ABHD2: variants seen among roughly 807,000 people sequenced by gnomAD.
The protein encoded by ABHD2 is abhydrolase domain containing 2, acylglycerol lipase, also known as monoacylglycerol lipase ABHD2.
ABHD2 carries 20 observed loss-of-function variants against 48.1 expected under a neutral mutation model. The observed-to-expected ratio is 0.42, with a 90% CI of 0.29 to 0.60. The LOEUF (loss-of-function observed/expected upper bound fraction) is 0.60. Among genes scored for constraint, ABHD2 ranks in the 20% least tolerant of loss-of-function variants. ABHD2 has a pLI of 0.24. For missense variants in ABHD2, 405 were observed against 550.9 expected (o/e 0.74, Z 2.65); for synonymous variants, 209 against 214.2 (o/e 0.98, Z 0.21).
rs193061527 is a variant in ABHD2 at position 89,180,592 on chromosome 15, A to G, written c.722+4597A>G. On this transcript the variant is annotated intron_variant, in intron 6 of 10. Coordinates refer to ENST00000352732, the MANE Select transcript of ABHD2 (RefSeq NM_152924.5). ...CAGATTGACTCTGCCCCTGAAGGGCAACCTGCTACCAGCCCAGAACCTTCT... is the reference window on the plus strand; with the variant it reads ...CAGATTGACTCTGCCCCTGAAGGGCGACCTGCTACCAGCCCAGAACCTTCT... Among the ~76,000 whole-genome samples the G allele has an allele frequency of 5.4e-3, 823 of 152,340 alleles. 8 individuals carry two copies. Among genetic ancestry groups the G allele is most frequent in the African/African-American group, 0.019 (783 of 41,588 alleles).
chr15:89,127,642 A>C (rs1021509507), intron 3 of ABHD2, among the ~76,000 whole-genome samples: 2 of 150,092 alleles, frequency 1.3e-5, no homozygotes, highest in African/African-American at 5.0e-5. Flanking sequence ...CCACAGCAGT[A>C]TGGACTTTTC....
intron 1 of ABHD2, among the ~76,000 whole-genome samples, chr15:89,101,016 T>C (rs2049693066): frequency 6.6e-6 from 1 of 152,250 alleles, no homozygotes; most frequent in African/African-American, 2.4e-5. Context: ...ATTGTATATT[T>C]TGGAGAGAAT....
At chr15:89,069,521 G>A in the ABHD2 span, among the ~76,000 whole-genome samples, 1 of 151,948 alleles carries the variant, frequency 6.6e-6, no homozygotes, top group Non-Finnish European at 1.5e-5. Flanking sequence ...AACCACCCTT[G>A]TGAGTTTTGT....
the ABHD2 span, among the ~76,000 whole-genome samples, chr15:89,069,140 T>A: frequency 6.7e-6 from 1 of 148,298 alleles, no homozygotes; most frequent in Non-Finnish European, 1.5e-5. Flanking sequence ...TTTTTTTTTT[T>A]AAAGAGATAG....
At chr15:89,056,061 C>G in the ABHD2 span, among the ~76,000 whole-genome samples, 1 of 152,100 alleles carries the variant, frequency 6.6e-6, no homozygotes, top group Admixed American at 6.6e-5. Flanking sequence ...CTATGTTGCA[C>G]AGGCTGGTCT....
the ABHD2 span, among the ~76,000 whole-genome samples, chr15:89,045,119 A>G: frequency 8.5e-3 from 1,289 of 152,318 alleles, 13 homozygotes; most frequent in Non-Finnish European, 0.014. Context: ...AGCTTTCTAC[A>G]TATGGCTAGC....
rs138258300 is a variant in ABHD2, at chr15:89,156,566, G to A, written c.538+1032G>A. Reference sequence around the variant, plus strand: ...GTTCAAGACAAGCCTGGCAATCATGGCAAAACCCTGTCTCTACTAAAAATA... The same window carrying A: ...GTTCAAGACAAGCCTGGCAATCATGACAAAACCCTGTCTCTACTAAAAATA... On this transcript the variant is annotated intron_variant, in intron 5 of 10. Transcript: ENST00000352732. 8.1e-3 allele frequency among the ~76,000 whole-genome samples: 1,237 copies of A among 151,962 alleles called. 10 individuals carry two copies. The highest frequency in any genetic ancestry group is 0.013 in the Non-Finnish European group (911 of 67,966).
intron 3 of ABHD2, among the ~76,000 whole-genome samples, chr15:89,123,682 C>A (rs1052562204): frequency 6.9e-6 from 1 of 145,938 alleles, no homozygotes; most frequent in East Asian, 2.2e-4. Flanking sequence ...ATTGTAGCCT[C>A]AACCTGCTGG....
upstream of ABHD2, among the ~76,000 whole-genome samples, chr15:89,085,698 G>A (rs1187824668): frequency 6.6e-6 from 1 of 152,156 alleles, no homozygotes; most frequent in African/African-American, 2.4e-5. The surrounding 1 kb of genome is among the most constrained non-coding windows in gnomAD (Gnocchi z 4.2). Flanking sequence ...TTCCTGAGAT[G>A]GGAGAAAAAA....
chr15:89,184,816 C>T lies in ABHD2; in HGVS notation c.723-608C>T, dbSNP rs2051178366. On this transcript the variant is annotated intron_variant, in intron 6 of 10. Coordinates refer to ENST00000352732, the MANE Select transcript of ABHD2 (RefSeq NM_152924.5). The surrounding 1 kb of genome is among the most constrained non-coding windows in gnomAD (Gnocchi z 5.1). ...TAGCCCTAGAGGCAGAAAGACACTTCCAGACCAGCCCCACCAGCTGTGCCT... is the reference window on the plus strand; with the variant it reads ...TAGCCCTAGAGGCAGAAAGACACTTTCAGACCAGCCCCACCAGCTGTGCCT... Among the ~76,000 whole-genome samples, 1 of 152,214 alleles carries T rather than the reference C, an allele frequency of 6.6e-6. No individual in the cohort carries two copies.
chr15:89,139,840 T>C (rs2050374348), intron 3 of ABHD2, among the ~76,000 whole-genome samples: 1 of 152,174 alleles, frequency 6.6e-6, no homozygotes, highest in South Asian at 2.1e-4. Flanking sequence ...TGAGGAAACA[T>C]CCCGAGCCTA....
At chr15:89,069,127 T>TTTTC in the ABHD2 span, among the ~76,000 whole-genome samples, 39 of 132,700 alleles carry the variant, frequency 2.9e-4, 1 homozygote, top group Non-Finnish European at 3.5e-4. Context: ...CTTTTCTTTT[T>TTTTC]TTTTTTTTTT....
In ABHD2 at chr15:89,146,079, G is replaced by A. The variant is rs144551184; in HGVS notation, c.195-5598G>A. 1.9e-3 allele frequency among the ~76,000 whole-genome samples: 292 copies of A among 152,248 alleles called. 2 individuals carry two copies. Among genetic ancestry groups the A allele is most frequent in the African/African-American group, 6.6e-3 (276 of 41,520 alleles). On this transcript the variant is annotated intron_variant, in intron 3 of 10. Transcript: ENST00000352732. The surrounding 1 kb of genome is among the most constrained non-coding windows in gnomAD (Gnocchi z 4.2). ...CTGAGATGTGAGGACTCAATCTCAG[G>A]CAACATATCCTAAACATCTAGTGTG...
intron 6 of ABHD2, among the ~76,000 whole-genome samples, chr15:89,181,454 A>T (rs2051113440): frequency 6.6e-6 from 1 of 152,118 alleles, no homozygotes; most frequent in African/African-American, 2.4e-5. Context: ...TTTTTTTAGT[A>T]TCGTCTACAT....
In ABHD2 at chr15:89,173,626, C is replaced by G; in HGVS notation, c.539-2186C>G. Among the ~76,000 whole-genome samples, 1 of 152,188 alleles carries G rather than the reference C, an allele frequency of 6.6e-6. No individual in the cohort carries two copies. The highest frequency in any genetic ancestry group is 1.9e-4 in the East Asian group (1 of 5,194). ...ATGAATCTGACTTCGGTGGGGACAA[C>G]AGTCTGGCATTTCACATTCCAAAGT... On this transcript the variant is annotated intron_variant, in intron 5 of 10. Transcript: ENST00000352732. This position sits in a 1 kb window ranked among gnomAD's most constrained non-coding sequence, Gnocchi z 6.5.
the ABHD2 span, among the ~76,000 whole-genome samples, chr15:89,074,139 C>T: frequency 6.6e-6 from 1 of 152,004 alleles, no homozygotes; most frequent in East Asian, 1.9e-4. Flanking sequence ...TTTGGGAGGC[C>T]GAGGTAGGTG....
Position 89,163,724 on chromosome 15 carries a change from G to A in ABHD2, c.538+8190G>A, listed in dbSNP as rs369879886. Among the ~76,000 whole-genome samples the A allele has an allele frequency of 3.0e-4, 46 of 152,350 alleles. No homozygotes were observed. In the East Asian group the frequency reaches 7.9e-3, roughly 26 times the overall value. ...CATTTTCCCCACTTTGGTGGTAGTG[G>A]TCATTACTGTTCTGATAGCTGTCAC... On this transcript the variant is annotated intron_variant, in intron 5 of 10. Transcript: ENST00000352732.
the ABHD2 span, among the ~76,000 whole-genome samples, chr15:89,049,594 C>T: frequency 4.6e-5 from 7 of 152,212 alleles, no homozygotes; most frequent in East Asian, 1.9e-4. Flanking sequence ...TCTCCTCGTG[C>T]GCCGTTTTTT....
chr15:89,127,720 C>CTGT (rs2050154328), intron 3 of ABHD2, among the ~76,000 whole-genome samples: 1 of 69,784 alleles, frequency 1.4e-5, no homozygotes, highest in African/African-American at 5.5e-5. Flanking sequence ...TATATATATA[C>CTGT]ACATATATAT....
Sources: allele counts gnomAD v4.1 joint callset (sites outside exome capture counted in the v4.1 genomes callset), GRCh38; gene constraint gnomAD v4.1.1; non-coding constraint Gnocchi (gnomAD v3.1); transcripts MANE v1.5; gene names NCBI Gene and HGNC (gene_info 2026-07-23, HGNC 2026-07-21).